The following RAB6A variants were observed in gnomAD, a reference collection of about 807,000 sequenced individuals.
RAB6A encodes the protein ras-related protein Rab-6A.
Under a neutral mutation model 32.3 loss-of-function variants are expected in RAB6A, and 8 were observed. The observed-to-expected ratio is 0.25, with a 90% confidence interval of 0.15 to 0.45. The LOEUF is 0.45. RAB6A is among the 20% of genes least tolerant of loss of function. The probability of loss-of-function intolerance (pLI) is 1.00; values close to 1 mark genes in which losing one functional copy is unlikely to be tolerated. For missense variants in RAB6A, 104 were observed against 249.4 expected (o/e 0.42, Z 3.93); for synonymous variants, 73 against 82.1 (o/e 0.89, Z 0.60).
At chr11:73,693,457 C>T (rs1019920413) in intron 6 of RAB6A, among the ~76,000 whole-genome samples, 1 of 151,834 alleles carries the variant, frequency 6.6e-6, no homozygotes, top group Non-Finnish European at 1.5e-5. Flanking sequence ...GATGCAGTGG[C>T]TCACGCCTGC....
At chr11:73,726,072 G>A (rs1449844897) in intron 2 of RAB6A, among the ~76,000 whole-genome samples, 1 of 152,006 alleles carries the variant, frequency 6.6e-6, no homozygotes, top group African/African-American at 2.4e-5. Flanking sequence ...AGATCACAAG[G>A]TCAGGAGTTT....
rs1307213999 is a variant in RAB6A, at chr11:73,739,295, A to G, written c.71-8472T>C. Among the ~76,000 whole-genome samples the G allele has an allele frequency of 1.2e-3, 102 of 84,272 alleles. 8 individuals carry two copies. Among genetic ancestry groups the G allele is most frequent in the African/African-American group, 3.8e-3 (98 of 25,584 alleles). 55.3% of individuals were successfully genotyped at this position (84,272 alleles called of 152,430 possible). A position where few individuals can be genotyped will look rare whatever the true frequency, so the allele number is the denominator to read the frequency against. On this transcript the variant is annotated intron_variant, in intron 1 of 7. Coordinates refer to ENST00000336083, the MANE Select transcript of RAB6A (RefSeq NM_198896.2). ...AAAAAAAAAAAAAAAATATATATAT[A>G]TATATATATAAATACTGGAACACCA... is the stretch of plus-strand genomic sequence containing the variant.
chr11:73,691,932 C>T (rs1161019030), intron 6 of RAB6A, among the ~76,000 whole-genome samples: 1 of 151,970 alleles, frequency 6.6e-6, no homozygotes. Flanking sequence ...GAGATCACAT[C>T]ACTGCACTCC....
At chr11:73,718,577 AAAG>A (rs756948392) in intron 4 of RAB6A, 33 bp downstream of exon 4, 30 of 1,533,658 alleles carry the variant, frequency 2.0e-5, no homozygotes, top group East Asian at 4.5e-5. Context: ...CTAAAGGTTG[AAAG>A]AAGATTAGAA....
At chr11:73,716,414 C>G in intron 4 of RAB6A, 52 bp from the exon 5 acceptor site, 1 of 1,388,838 alleles carries the variant, frequency 7.2e-7, no homozygotes. Flanking sequence ...AATGCCTCCC[C>G]AGGTGGTGGG....
intron 1 of RAB6A, among the ~76,000 whole-genome samples, chr11:73,743,997 G>A (rs1172629322): frequency 6.6e-6 from 1 of 152,138 alleles, no homozygotes; most frequent in Non-Finnish European, 1.5e-5. Flanking sequence ...GATCACTTGA[G>A]CCCAAAAGTT....
intron 1 of RAB6A, among the ~76,000 whole-genome samples, chr11:73,736,221 G>C (rs889506393): frequency 6.6e-6 from 1 of 151,998 alleles, no homozygotes; most frequent in African/African-American, 2.4e-5. Context: ...TTGAGGTCAG[G>C]AGTTTCAGAT....
At chr11:73,735,837 T>C (rs1279750584) in intron 1 of RAB6A, among the ~76,000 whole-genome samples, 2 of 147,148 alleles carry the variant, frequency 1.4e-5, no homozygotes, top group Non-Finnish European at 3.0e-5. Flanking sequence ...GCTGCTAATA[T>C]CAAACCTATC....
At chr11:73,696,999 G>A (rs1312938462) in intron 6 of RAB6A, among the ~76,000 whole-genome samples, 2 of 152,036 alleles carry the variant, frequency 1.3e-5, no homozygotes, top group African/African-American at 4.8e-5. Flanking sequence ...CCTCACTACT[G>A]CCCACATGGT....
At chr11:73,679,940 A>C (rs1008882297) in intron 6 of RAB6A, among the ~76,000 whole-genome samples, 9 of 151,962 alleles carry the variant, frequency 5.9e-5, no homozygotes, top group Non-Finnish European at 1.0e-4. Context: ...ACAAAAAAAA[A>C]CACAAAAATT....
chr11:73,691,726 C>A (rs184150930), intron 6 of RAB6A, among the ~76,000 whole-genome samples: 1 of 152,084 alleles, frequency 6.6e-6, no homozygotes, highest in Non-Finnish European at 1.5e-5. Flanking sequence ...TTTGGGAGGC[C>A]GAGGCAGGCG....
At position 73,679,380 on chromosome 11, in the gene RAB6A, G is replaced by T. The variant is rs147420604; in HGVS notation, c.562+274C>A. ...AGTCAATGGGACTCAAAATGAAGAG[G>T]CAAGGACACAGGGATTCTAAGAGTT... On this transcript the variant is annotated intron_variant, in intron 7 of 7. Transcript: ENST00000336083. Among the ~76,000 whole-genome samples, 8 of 152,290 alleles carry T rather than the reference G, an allele frequency of 5.3e-5. No homozygotes were observed. In the East Asian group the frequency reaches 1.5e-3, roughly 29 times the overall value.
chr11:73,709,730 T>C (rs1945911165), intron 5 of RAB6A, among the ~76,000 whole-genome samples: 1 of 149,628 alleles, frequency 6.7e-6, no homozygotes, highest in African/African-American at 2.4e-5. Flanking sequence ...TGTGGTAATG[T>C]GGGCTCATTC....
chr11:73,753,538 C>T (rs917239243), intron 1 of RAB6A, among the ~76,000 whole-genome samples: 2 of 151,590 alleles, frequency 1.3e-5, no homozygotes, highest in African/African-American at 2.4e-5. Flanking sequence ...GGTGAAACCC[C>T]GTCTCTACTA....
At chr11:73,709,970 T>A (rs1945923574) in intron 5 of RAB6A, among the ~76,000 whole-genome samples, 2 of 148,120 alleles carry the variant, frequency 1.4e-5, no homozygotes, top group Admixed American at 1.4e-4. Context: ...TATTTTTTTT[T>A]TTTTTTGAGA....
chr11:73,709,884 T>C (rs926429710), intron 5 of RAB6A, among the ~76,000 whole-genome samples: 26 of 147,736 alleles, frequency 1.8e-4, no homozygotes, highest in Non-Finnish European at 3.6e-4. Flanking sequence ...TACATACATA[T>C]ATACATATAT....
chr11:73,710,984 C>T (rs1335886184), intron 5 of RAB6A, among the ~76,000 whole-genome samples: 1 of 152,038 alleles, frequency 6.6e-6, no homozygotes, highest in Non-Finnish European at 1.5e-5. Flanking sequence ...GGTCCCAGTC[C>T]CTCATTTTGG....
intron 5 of RAB6A, among the ~76,000 whole-genome samples, chr11:73,714,692 C>G (rs947085893): frequency 6.7e-6 from 1 of 148,354 alleles, no homozygotes; most frequent in African/African-American, 2.5e-5. Context: ...AATAAAGGTA[C>G]TGGCAGGGCG....
chr11:73,684,994 G>T (rs542327755), intron 6 of RAB6A, among the ~76,000 whole-genome samples: 47 of 152,304 alleles, frequency 3.1e-4, no homozygotes, highest in African/African-American at 1.1e-3. Context: ...TCTTAATATG[G>T]CTAAAGAGAT....
Sources: gnomAD v4.1 joint callset for allele counts (sites outside exome capture counted in the v4.1 genomes callset) on GRCh38, gnomAD v4.1.1 for gene constraint, MANE v1.5 for transcripts, NCBI Gene and HGNC (gene_info 2026-07-23, HGNC 2026-07-21) for gene names.